The following TMC7 variants were observed in gnomAD, a reference collection of about 807,000 sequenced individuals.
TMC7 encodes transmembrane channel-like protein 7.
A neutral mutation model predicts 82.9 loss-of-function variants in TMC7; 54 were observed. The ratio of observed to expected loss-of-function variants is 0.65; its 90% CI spans 0.52 to 0.82. The LOEUF (loss-of-function observed/expected upper bound fraction) is 0.82. TMC7 is among the 40% of genes least tolerant of loss of function. The pLI is 0.00. For synonymous variants in TMC7, 350 were observed against 337.9 expected, an observed-to-expected ratio of 1.04 and a Z score of -0.39; for missense variants, 820 against 901.2, an observed-to-expected ratio of 0.91 and a Z score of 1.15.
At chr16:18,994,380 T>C (rs1350070177) in intron 1 of TMC7, among the ~76,000 whole-genome samples, 2 of 151,666 alleles carry the variant, frequency 1.3e-5, no homozygotes, top group South Asian at 2.1e-4. Flanking sequence ...GGCGCACTCC[T>C]GGCTCTTGTG....
intron 10 of TMC7, 41 bp from the exon 11 acceptor site, chr16:19,045,300 A>C (rs369055060): frequency 1.1e-5 from 17 of 1,534,734 alleles, no homozygotes; most frequent in Non-Finnish European, 1.4e-5. Context: ...TCTCTGCCTC[A>C]GCTAGGGTCT....
rs1567501076 is a variant in TMC7, at chr16:18,997,729, C to CCTTTTT, written c.68-11443_68-11442insCTTTTT. Among the ~76,000 whole-genome samples the CCTTTTT allele has an allele frequency of 1.7e-5, 2 of 119,484 alleles. 1 individual carries two copies. The allele number at this position is 119,484 out of a possible 152,430, so 78.4% of individuals were successfully genotyped here. On this transcript the variant is annotated intron_variant, in intron 1 of 15. Coordinates refer to ENST00000304381, the MANE Select transcript of TMC7 (RefSeq NM_024847.4). ...AAACAACTCCTGTGCCAAATCCAGC[C>CCTTTTT]TTTTTTTTTTTTTTTTTTGAGATGG...
At chr16:19,047,342 A>G (rs1961324119) in intron 12 of TMC7, 93 bp downstream of exon 12, 1 of 1,057,884 alleles carries the variant, frequency 9.5e-7, no homozygotes, top group Non-Finnish European at 1.4e-6. Context: ...ACATCCCATG[A>G]GACGTATCAA....
intron 1 of TMC7, among the ~76,000 whole-genome samples, chr16:19,007,086 A>G (rs2142164619): frequency 6.6e-6 from 1 of 151,986 alleles, no homozygotes; most frequent in East Asian, 1.9e-4. Context: ...CGGCCTCCCA[A>G]AATGCTGGGA....
intron 14 of TMC7, among the ~76,000 whole-genome samples, chr16:19,057,183 CTCTT>C: frequency 6.6e-6 from 1 of 152,084 alleles, no homozygotes. Context: ...ATAATAGTCA[CTCTT>C]TCAGAGGCTC....
chr16:19,021,820 A>G lies in TMC7; in HGVS notation c.628+24A>G, dbSNP rs759895284. ...GGGTGAGTGTAAGGCCTGGTTTACT[A>G]CGAAGTGTGTTTGTTTTTCACCATG... On this transcript the variant is annotated intron_variant, in intron 4 of 15. Coordinates refer to ENST00000304381, the MANE Select transcript of TMC7 (RefSeq NM_024847.4). 7 of 1,608,876 alleles carry G rather than the reference A, an allele frequency of 4.4e-6. No individual in the cohort carries two copies. The East Asian group carries it at 1.6e-4, about 36-fold the overall frequency.
intron 5 of TMC7, among the ~76,000 whole-genome samples, chr16:19,026,607 T>C (rs1056904397): frequency 6.6e-6 from 1 of 152,338 alleles, no homozygotes; most frequent in East Asian, 1.9e-4. Flanking sequence ...CACTGTAACC[T>C]TCTTCCTGAT....
At chr16:19,051,898 A>ATTT (rs200146213) in intron 13 of TMC7, 82 bp downstream of exon 13, 40 of 1,312,858 alleles carry the variant, frequency 3.0e-5, no homozygotes, top group African/African-American at 2.8e-4. Context: ...GTCATATCAC[A>ATTT]TTTTTTTTTT....
At chr16:19,034,394 C>A (rs919666188) in intron 6 of TMC7, among the ~76,000 whole-genome samples, 2 of 151,650 alleles carry the variant, frequency 1.3e-5, no homozygotes, top group Non-Finnish European at 1.5e-5. Context: ...GTCAGGAGAT[C>A]GAGACCAGCC....
intron 5 of TMC7, among the ~76,000 whole-genome samples, chr16:19,028,899 C>A (rs1324748427): frequency 2.0e-5 from 3 of 151,810 alleles, no homozygotes; most frequent in Non-Finnish European, 4.4e-5. Context: ...CATGATCCAC[C>A]CGCCTCGGCC....
Position 19,029,257 on chromosome 16 carries a change from G to A in TMC7, c.712-967G>A, listed in dbSNP as rs548484297. Reference sequence around the variant, plus strand: ...CCTGACCTTGTGATCTATCCGCCTCGGCCTCCCAAAGTGCTGGGATTACAG... The same window carrying A: ...CCTGACCTTGTGATCTATCCGCCTCAGCCTCCCAAAGTGCTGGGATTACAG... On this transcript the variant is annotated intron_variant, in intron 5 of 15. Coordinates refer to ENST00000304381, the MANE Select transcript of TMC7 (RefSeq NM_024847.4). Among the ~76,000 whole-genome samples the A allele has an allele frequency of 3.3e-5, 5 of 151,830 alleles. No homozygotes were observed. The East Asian group carries it at 7.8e-4, about 24-fold the overall frequency.
intron 13 of TMC7, among the ~76,000 whole-genome samples, chr16:19,054,086 C>A (rs543074140): frequency 1.2e-4 from 19 of 152,220 alleles, no homozygotes; most frequent in African/African-American, 4.3e-4. Flanking sequence ...TTGTTTCCAG[C>A]AATTTATTTT....
At chr16:19,036,644 G>A (rs1960762788) in intron 7 of TMC7, among the ~76,000 whole-genome samples, 1 of 152,190 alleles carries the variant, frequency 6.6e-6, no homozygotes, top group Non-Finnish European at 1.5e-5. Context: ...TGAACCAGGA[G>A]GCAGAGGTTG....
chr16:18,988,156 C>T (rs1230927798), intron 1 of TMC7, among the ~76,000 whole-genome samples: 51 of 128,964 alleles, frequency 4.0e-4, no homozygotes, highest in African/African-American at 1.3e-3. Flanking sequence ...TTCTCTCTTT[C>T]TTTTTTTTTT....
chr16:19,060,433 G>A (rs1406947583), intron 15 of TMC7, among the ~76,000 whole-genome samples: 1 of 152,038 alleles, frequency 6.6e-6, no homozygotes, highest in African/African-American at 2.4e-5. Context: ...TTGAACTCCT[G>A]GGCTCAAGTG....
rs1204697904 is a variant in TMC7 at position 19,056,713 on chromosome 16, C to T, written c.2027+16C>T. On this transcript the variant is annotated intron_variant, in intron 14 of 15. Transcript: ENST00000304381. ...TGATTATTTGGTGAGTGAGAACCACCAGGACCCACTGAGGCACGTGGGCTC... is the reference window on the plus strand; with the variant it reads ...TGATTATTTGGTGAGTGAGAACCACTAGGACCCACTGAGGCACGTGGGCTC... 4 of 1,611,556 alleles carry T rather than the reference C, an allele frequency of 2.5e-6. No individual in the cohort carries two copies. Among genetic ancestry groups the T allele is most frequent in the Non-Finnish European group, 3.4e-6 (4 of 1,178,370 alleles).
intron 3 of TMC7, among the ~76,000 whole-genome samples, chr16:19,017,039 G>A (rs897295567): frequency 2.6e-5 from 4 of 152,040 alleles, no homozygotes; most frequent in African/African-American, 9.7e-5. Flanking sequence ...CAAAAAATTA[G>A]CTGGGCATGG....
chr16:18,990,419 C>T (rs1218748172), intron 1 of TMC7, among the ~76,000 whole-genome samples: 12 of 152,086 alleles, frequency 7.9e-5, no homozygotes, highest in Admixed American at 3.3e-4. Flanking sequence ...CTCAGCTTCC[C>T]GAGTAGCTGG....
chr16:18,991,079 T>C (rs948055593), intron 1 of TMC7, among the ~76,000 whole-genome samples: 9 of 152,048 alleles, frequency 5.9e-5, no homozygotes, highest in African/African-American at 1.7e-4. Flanking sequence ...AGATAATGGG[T>C]GATGTTTCTC....
Sources: allele counts gnomAD v4.1 joint callset (sites outside exome capture counted in the v4.1 genomes callset), GRCh38; gene constraint gnomAD v4.1.1; transcripts MANE v1.5; gene names NCBI Gene and HGNC (gene_info 2026-07-23, HGNC 2026-07-21).